The following CMIP variants were observed in gnomAD, a reference collection of about 807,000 sequenced individuals.
CMIP encodes C-Maf-inducing protein.
A neutral mutation model predicts 97.3 loss-of-function variants in CMIP; 13 were observed. That is an observed-to-expected ratio of 0.13 (90% CI 0.09 to 0.21). The LOEUF is 0.21. Ranked by LOEUF, CMIP falls within the 10% of genes least tolerant of loss-of-function variation. CMIP has a pLI of 1.00. For missense variants in CMIP, 847 were observed against 1,024.9 expected, an observed-to-expected ratio of 0.83 and a Z score of 2.37; for synonymous variants, 538 against 436.3, an observed-to-expected ratio of 1.23 and a Z score of -2.91.
At chr16:81,657,052 A>T (rs1175770487) in intron 4 of CMIP, among the ~76,000 whole-genome samples, 1 of 149,342 alleles carries the variant, frequency 6.7e-6, no homozygotes, top group African/African-American at 2.4e-5. Flanking sequence ...CCAAAATTTA[A>T]AAAAAAAAAA....
At chr16:81,527,288 AG>A (rs2090150895) in intron 1 of CMIP, among the ~76,000 whole-genome samples, 1 of 152,184 alleles carries the variant, frequency 6.6e-6, no homozygotes, top group Admixed American at 6.5e-5. Context: ...TTGGGTTCAC[AG>A]CCTGCATGCC....
In CMIP at chr16:81,486,040, C is replaced by T. The variant is rs755789273; in HGVS notation, c.300+40499C>T. On this transcript the variant is annotated intron_variant, in intron 1 of 20. Transcript: ENST00000537098. ...GGGTTGGGCGTGAGAGCCTGGCACC[C>T]GGCCTGACAGGCAGAGAGGGGCTCC... Among the ~76,000 whole-genome samples the T allele has an allele frequency of 1.6e-4, 24 of 152,336 alleles. No homozygotes were observed. The South Asian group carries it at 2.1e-3, about 13-fold the overall frequency.
At chr16:81,479,091 A>G (rs1044346283) in intron 1 of CMIP, among the ~76,000 whole-genome samples, 1 of 152,144 alleles carries the variant, frequency 6.6e-6, no homozygotes, top group African/African-American at 2.4e-5. Context: ...TATTGACCGG[A>G]CAGGGTTTTT....
At position 81,709,732 on chromosome 16, in the gene CMIP, A is replaced by AT; in HGVS notation, c.2269-12dup. ...TGGCCTACACGTGACAAGGACTCTT[A>AT]TTGCCACCCCCAGGCCAAGCTTCCC... is the stretch of plus-strand genomic sequence containing the variant. On this transcript the variant is annotated splice_polypyrimidine_tract_variant and intron_variant, in intron 20 of 20. Coordinates refer to ENST00000537098, the MANE Select transcript of CMIP (RefSeq NM_198390.3). 2 of 1,613,816 alleles carry AT rather than the reference A, an allele frequency of 1.2e-6. No homozygotes were observed. The highest frequency in any genetic ancestry group is 1.7e-6 in the Non-Finnish European group (2 of 1,179,796).
intron 1 of CMIP, among the ~76,000 whole-genome samples, chr16:81,601,905 C>G (rs554187952): frequency 6.4e-4 from 97 of 152,342 alleles, no homozygotes; most frequent in African/African-American, 2.3e-3. Flanking sequence ...AGGACAAAAG[C>G]CCCTTAGCCT....
intron 10 of CMIP, among the ~76,000 whole-genome samples, chr16:81,685,450 C>G (rs1032678058): frequency 6.6e-6 from 1 of 152,218 alleles, no homozygotes; most frequent in Non-Finnish European, 1.5e-5. Context: ...ACCCTGATTC[C>G]TCTGATTGTG....
At chr16:81,592,848 C>T (rs955365429) in intron 1 of CMIP, among the ~76,000 whole-genome samples, 2 of 152,230 alleles carry the variant, frequency 1.3e-5, no homozygotes, top group Non-Finnish European at 2.9e-5. Context: ...GGCATGTGCC[C>T]AGTCCAGGCT....
chr16:81,630,233 A>T (rs912414621), intron 3 of CMIP: 1 of 152,214 alleles, frequency 6.6e-6, no homozygotes, highest in Non-Finnish European at 1.5e-5. Context: ...CAGAACATTC[A>T]TTCTTCTTCT....
chr16:81,501,713 G>A (rs578223914), intron 1 of CMIP, among the ~76,000 whole-genome samples: 3 of 150,810 alleles, frequency 2.0e-5, no homozygotes, highest in East Asian at 1.9e-4. Context: ...CCAGGTTCTC[G>A]CAATTCTCCT....
chr16:81,699,234 C>T (rs185072040), intron 14 of CMIP, among the ~76,000 whole-genome samples: 4 of 152,160 alleles, frequency 2.6e-5, no homozygotes, highest in Non-Finnish European at 5.9e-5. Context: ...CCAGCCTGGA[C>T]AATAGAGCGA....
At chr16:81,671,869 GC>G (rs1458132842) in intron 8 of CMIP, 96 bp from the exon 9 acceptor site, 1 of 627,338 alleles carries the variant, frequency 1.6e-6, no homozygotes. Flanking sequence ...AGAGCGGGCA[GC>G]CCCGTGCCTG....
In CMIP at chr16:81,489,172, G is replaced by A. The variant is rs12597251; in HGVS notation, c.300+43631G>A. Among the ~76,000 whole-genome samples the A allele has an allele frequency of 2.8e-4, 42 of 152,310 alleles. 1 individual carries two copies. In the East Asian group the frequency reaches 8.1e-3, roughly 29 times the overall value. On this transcript the variant is annotated intron_variant, in intron 1 of 20. Coordinates refer to ENST00000537098, the MANE Select transcript of CMIP (RefSeq NM_198390.3). ...CTCACATCCCTAGCTGGTGGCATGAGGAAAGGCGGGCAAGGAGGGGTACGA... is the reference window on the plus strand; with the variant it reads ...CTCACATCCCTAGCTGGTGGCATGAAGAAAGGCGGGCAAGGAGGGGTACGA...
At chr16:81,466,139 C>T (rs1165172779) in intron 1 of CMIP, among the ~76,000 whole-genome samples, 1 of 152,202 alleles carries the variant, frequency 6.6e-6, no homozygotes, top group Non-Finnish European at 1.5e-5. Context: ...CAGCTTGCTG[C>T]AGCCTCAGCT....
At chr16:81,696,699 C>G in intron 14 of CMIP, 32 bp downstream of exon 14, 1 of 1,589,912 alleles carries the variant, frequency 6.3e-7, no homozygotes, top group Non-Finnish European at 8.5e-7. Context: ...GGGTGACTTC[C>G]AGGGGTCCCT....
chr16:81,699,761 G>A lies in CMIP; in HGVS notation c.1715G>A (p.Cys572Tyr). 1 of 1,613,520 alleles carries A rather than the reference G, an allele frequency of 6.2e-7. No homozygotes were observed. The highest frequency in any genetic ancestry group is 1.1e-5 in the South Asian group (1 of 91,010). Residue 572 changes from cysteine to tyrosine, a missense_variant, in exon 15 of 21, where the codon TGC (cysteine) becomes TAC (tyrosine). Transcript: ENST00000537098. ...LSLAENKLGP[C>Y]MLLALRGNQT... ...CTGGCAGAAAACAAGCTGGGTCCCT[G>A]CATGCTCCTGGCACTGAGGGGGAAC...
chr16:81,682,364 A>C (rs1485773128), intron 10 of CMIP, among the ~76,000 whole-genome samples: 1 of 152,180 alleles, frequency 6.6e-6, no homozygotes, highest in Non-Finnish European at 1.5e-5. Flanking sequence ...CGGGAGTTCG[A>C]GACCAGCCTT....
chr16:81,614,641 TG>T lies in CMIP; in HGVS notation c.427-6232del, dbSNP rs2091883223. Among the ~76,000 whole-genome samples, 1 of 152,054 alleles carries T rather than the reference TG, an allele frequency of 6.6e-6. No individual in the cohort carries two copies. The highest frequency in any genetic ancestry group is 2.1e-4 in the South Asian group (1 of 4,822). On this transcript the variant is annotated intron_variant, in intron 2 of 20. Coordinates refer to ENST00000537098, the MANE Select transcript of CMIP (RefSeq NM_198390.3). The surrounding 1 kb of genome is among the most constrained non-coding windows in gnomAD (Gnocchi z 5.3). The stretch of plus-strand genomic sequence containing the variant: ...AAAACTACCTGCACAGTCCTGCGTG[TG>T]GGACTGTGGTGTGTGTGTATGTATG...
At chr16:81,620,548 C>G in intron 2 of CMIP, 1 of 283,730 alleles carries the variant, frequency 3.5e-6, no homozygotes. Flanking sequence ...CCAACCAGTT[C>G]ATCCCATTCC....
intron 1 of CMIP, among the ~76,000 whole-genome samples, chr16:81,487,795 C>A (rs771311383): frequency 6.6e-6 from 1 of 152,206 alleles, no homozygotes; most frequent in Non-Finnish European, 1.5e-5. Flanking sequence ...AGTAAAGGCT[C>A]AAGAGCTGTG....
Sources: gnomAD v4.1 joint callset for allele counts (sites outside exome capture counted in the v4.1 genomes callset) on GRCh38, gnomAD v4.1.1 for gene constraint, Gnocchi (gnomAD v3.1) non-coding constraint, MANE v1.5 for transcripts, NCBI Gene and HGNC (gene_info 2026-07-23, HGNC 2026-07-21) for gene names.